REL: variants seen among roughly 807,000 people sequenced by gnomAD.
REL encodes the protein proto-oncogene c-Rel.
Under a neutral mutation model 45.9 loss-of-function variants are expected in REL, and 15 were observed. The ratio of observed to expected loss-of-function variants is 0.33; its 90% confidence interval spans 0.22 to 0.50. The LOEUF (loss-of-function observed/expected upper bound fraction) is 0.50, where lower values mean the gene tolerates loss of function less well. Ranked by LOEUF, REL falls within the 20% of genes least tolerant of loss-of-function variation. REL has a pLI of 0.98. For missense variants in REL, 601 were observed against 715.2 expected (o/e 0.84, Z 1.82); for synonymous variants, 239 against 242.1 (o/e 0.99, Z 0.12).
At chr2:60,898,081 A>G (rs1673399898) in intron 3 of REL, among the ~76,000 whole-genome samples, 1 of 152,090 alleles carries the variant, frequency 6.6e-6, no homozygotes, top group African/African-American at 2.4e-5. Flanking sequence ...GAATCTATCC[A>G]CTTCACTCAG....
chr2:60,884,527 A>G (rs145659886), intron 1 of REL, among the ~76,000 whole-genome samples: 111 of 152,156 alleles, frequency 7.3e-4, no homozygotes, highest in Middle Eastern at 3.4e-3. Context: ...AAACCCATCT[A>G]AGGTATGCAT....
At chr2:60,908,658 T>C (rs911533090) in intron 4 of REL, among the ~76,000 whole-genome samples, 1 of 152,218 alleles carries the variant, frequency 6.6e-6, no homozygotes, top group Non-Finnish European at 1.5e-5. Flanking sequence ...GGTAATGAAA[T>C]GTTAGGATTT....
chr2:60,890,299 A>G (rs1673176245), intron 1 of REL, among the ~76,000 whole-genome samples: 1 of 152,248 alleles, frequency 6.6e-6, no homozygotes. Flanking sequence ...CATCTTCACA[A>G]CAACCCAATG....
rs11339518 is a variant in REL, at chr2:60,925,696, AT to A, written c.*3175del. 0.59 allele frequency: 106,083 copies of A among 179,836 alleles called. 29,491 individuals are homozygous for A. Among genetic ancestry groups the A allele is most frequent in the Middle Eastern group, 0.69 (332 of 484 alleles). 11.1% of individuals were successfully genotyped at this position (179,836 alleles called of 1,614,324 possible). A position where few individuals can be genotyped will look rare whatever the true frequency, so the allele number is the denominator to read the frequency against. On this transcript the variant is annotated 3_prime_UTR_variant, in exon 10 of 10. Transcript: ENST00000394479. ...ATGATGATGGATGATAGGTGGGGAG[AT>A]TTTTTTTTTTTTTAATACAGAATCT...
At chr2:60,895,102 G>T (rs1673317058) in intron 3 of REL, among the ~76,000 whole-genome samples, 1 of 151,842 alleles carries the variant, frequency 6.6e-6, no homozygotes, top group Non-Finnish European at 1.5e-5. Context: ...CAGGTGATCT[G>T]CCTGCCTCGG....
rs761743077 is a variant in REL, at chr2:60,930,485, C to G, written c.*7950C>G. Reference sequence around the variant, plus strand: ...AGATAAATGTATGGGTTGTCTGTATCTAGTTTTATGCCTTTTTTTTGCCTA... The same window carrying G: ...AGATAAATGTATGGGTTGTCTGTATGTAGTTTTATGCCTTTTTTTTGCCTA... On this transcript the variant is annotated 3_prime_UTR_variant, in exon 10 of 10. Coordinates refer to ENST00000394479, the MANE Select transcript of REL (RefSeq NM_001291746.2). The G allele has an allele frequency of 6.6e-6, 1 of 152,218 alleles. No homozygotes were observed. The highest frequency in any genetic ancestry group is 1.5e-5 in the Non-Finnish European group (1 of 67,998). 9.4% of individuals were successfully genotyped at this position (152,218 alleles called of 1,614,324 possible). A position where few individuals can be genotyped will look rare whatever the true frequency, so the allele number is the denominator to read the frequency against.
intron 1 of REL, among the ~76,000 whole-genome samples, chr2:60,888,973 CT>C (rs1558786935): frequency 6.6e-6 from 1 of 152,162 alleles, no homozygotes; most frequent in African/African-American, 2.4e-5. Context: ...TTTTTTCTAT[CT>C]GTTCACTGTG....
chr2:60,913,171 A>G (rs1393966635), intron 4 of REL, among the ~76,000 whole-genome samples: 1 of 151,986 alleles, frequency 6.6e-6, no homozygotes, highest in African/African-American at 2.4e-5. Context: ...CTCAATCTTA[A>G]TTCCTTGAAT....
At chr2:60,903,190 CTACTT>C (rs1046261430) in intron 4 of REL, among the ~76,000 whole-genome samples, 98 of 152,300 alleles carry the variant, frequency 6.4e-4, no homozygotes, top group African/African-American at 2.1e-3. Flanking sequence ...TTTATGCACA[CTACTT>C]TATTTAATCG....
chr2:60,900,498 T>C (rs953691292), intron 3 of REL: 2 of 154,142 alleles, frequency 1.3e-5, no homozygotes, highest in African/African-American at 4.8e-5. Flanking sequence ...ATTTTTCTTT[T>C]AACAGTTCTT....
At chr2:60,904,740 A>G (rs1673595416) in intron 4 of REL, among the ~76,000 whole-genome samples, 1 of 151,952 alleles carries the variant, frequency 6.6e-6, no homozygotes, top group Admixed American at 6.6e-5. Flanking sequence ...ATTTTTTTTA[A>G]TTAACCAGAT....
At chr2:60,920,317 C>T (rs1573346371) in intron 8 of REL, 1 of 616,440 alleles carries the variant, frequency 1.6e-6, no homozygotes, top group Admixed American at 3.0e-5. Flanking sequence ...TCTCCTGCCT[C>T]AGCCTCCCGG....
At chr2:60,920,284 C>G (rs1674102741) in intron 8 of REL, 175 bp downstream of exon 8, 1 of 625,774 alleles carries the variant, frequency 1.6e-6, no homozygotes, top group Non-Finnish European at 2.9e-6. Flanking sequence ...TCACTGCAAC[C>G]TCTGCCCCCC....
intron 1 of REL, among the ~76,000 whole-genome samples, chr2:60,891,408 T>G (rs2103926629): frequency 6.6e-6 from 1 of 152,310 alleles, no homozygotes; most frequent in Middle Eastern, 3.4e-3. Context: ...GAACTTCATA[T>G]TGACGTTAGC....
At chr2:60,901,828 A>G (rs1673506220) in intron 4 of REL, among the ~76,000 whole-genome samples, 1 of 152,224 alleles carries the variant, frequency 6.6e-6, no homozygotes, top group African/African-American at 2.4e-5. Context: ...GAAATCACAC[A>G]AAGTATTTTC....
At chr2:60,899,168 G>C (rs563232784) in intron 3 of REL, 5 of 152,202 alleles carry the variant, frequency 3.3e-5, no homozygotes, top group Admixed American at 3.3e-4. Flanking sequence ...ATAGTTGCAA[G>C]ATTTCAAGAA....
intron 1 of REL, among the ~76,000 whole-genome samples, chr2:60,890,783 C>G (rs1263388720): frequency 2.0e-5 from 3 of 152,142 alleles, no homozygotes. Context: ...TAATGTCCCC[C>G]CTGCCTTTCC....
chr2:60,927,848 T>A lies in REL; in HGVS notation c.*5313T>A, dbSNP rs1674302617. 4.4e-6 allele frequency: 1 copy of A among 227,138 alleles called. No homozygotes were observed. Among genetic ancestry groups the A allele is most frequent in the African/African-American group, 2.2e-5 (1 of 44,974 alleles). 14.1% of individuals were successfully genotyped at this position (227,138 alleles called of 1,614,324 possible). On this transcript the variant is annotated 3_prime_UTR_variant, in exon 10 of 10. Transcript: ENST00000394479. Reference sequence around the variant, plus strand: ...TAGGACATTTCCAGCACCCCTGAAATTTCCTTCATGCCCCTTCCCAGTCTG... The same window carrying A: ...TAGGACATTTCCAGCACCCCTGAAAATTCCTTCATGCCCCTTCCCAGTCTG...
chr2:60,902,514 T>C (rs1034783248), intron 4 of REL, among the ~76,000 whole-genome samples: 3 of 147,312 alleles, frequency 2.0e-5, no homozygotes, highest in African/African-American at 7.5e-5. Flanking sequence ...AAACTTTCCA[T>C]GTCAATACTT....
Sources: gnomAD v4.1 joint callset for allele counts (sites outside exome capture counted in the v4.1 genomes callset) on GRCh38, gnomAD v4.1.1 for gene constraint, MANE v1.5 for transcripts, NCBI Gene and HGNC (gene_info 2026-07-23, HGNC 2026-07-21) for gene names.